Variants in ZAP70 observed in about 807,000 individuals in gnomAD.
The protein encoded by ZAP70 is zeta chain of T cell receptor associated protein kinase 70, also known as tyrosine-protein kinase ZAP-70.
ZAP70 carries 27 observed loss-of-function variants against 65.8 expected under a neutral mutation model. That is an observed-to-expected ratio of 0.41 (90% CI 0.30 to 0.57). ZAP70 has a LOEUF of 0.57. ZAP70 is among the 20% of genes least tolerant of loss of function. The pLI, the probability that ZAP70 is intolerant of heterozygous loss-of-function variation, is 0.28. For missense variants in ZAP70, 696 were observed against 870.5 expected, an observed-to-expected ratio of 0.80 and a Z score of 2.52; for synonymous variants, 363 against 360.8, an observed-to-expected ratio of 1.01 and a Z score of -0.07.
At position 97,739,528 on chromosome 2, in the gene ZAP70, C is replaced by A; in HGVS notation, c.*30C>A. ...CCGCTGCCCAGGGGAGCCCTCCACGCCGGCTCTTCCCCACCCTCAGCCCCA... is the reference window on the plus strand; with the variant it reads ...CCGCTGCCCAGGGGAGCCCTCCACGACGGCTCTTCCCCACCCTCAGCCCCA... On this transcript the variant is annotated 3_prime_UTR_variant, in exon 14 of 14. Transcript: ENST00000264972. 1 of 1,604,190 alleles carries A rather than the reference C, an allele frequency of 6.2e-7. No homozygotes were observed. The highest frequency in any genetic ancestry group is 8.5e-7 in the Non-Finnish European group (1 of 1,176,260).
chr2:97,739,434 G>C lies in ZAP70; in HGVS notation c.1796G>C (p.Ser599Thr). The change falls in exon 14 of 14, where the codon AGC becomes ACC. Residue 599 changes from serine to threonine, a missense_variant. Physicochemically the swap from Ser to Thr is moderately conservative, Grantham distance 58. Coordinates refer to ENST00000264972, the MANE Select transcript of ZAP70 (RefSeq NM_001079.4). ...CAGCGCATGCGAGCCTGTTACTACA[G>C]CCTGGCCAGCAAGGTGGAAGGGCCC... ...VEQRMRACYY[S>T]LASKVEGPPG... 1 of 1,613,848 alleles carries C rather than the reference G, an allele frequency of 6.2e-7. No individual in the cohort carries two copies. Among genetic ancestry groups the C allele is most frequent in the Non-Finnish European group, 8.5e-7 (1 of 1,179,950 alleles).
At chr2:97,752,569 T>C in the ZAP70 span, among the ~76,000 whole-genome samples, 1 of 152,248 alleles carries the variant, frequency 6.6e-6, no homozygotes, top group Non-Finnish European at 1.5e-5. Flanking sequence ...CTTGTTTCTT[T>C]AGCACAGTGG....
At chr2:97,735,200 G>A (rs1193410783) in intron 9 of ZAP70, 50 bp from the exon 10 acceptor site, 1 of 1,606,634 alleles carries the variant, frequency 6.2e-7, no homozygotes, top group Admixed American at 1.7e-5. Flanking sequence ...GTGGGGCCGA[G>A]CAGGGCCGGT....
At position 97,734,721 on chromosome 2, in the gene ZAP70, G is replaced by A. The variant is rs542219545; in HGVS notation, c.1082+9G>A. 5.0e-6 allele frequency: 8 copies of A among 1,613,048 alleles called. No individual in the cohort carries two copies. The highest frequency in any genetic ancestry group is 4.5e-5 in the East Asian group (2 of 44,880). ...GTGTACCGCATGCGCAAGTATGGCC[G>A]CCCCTGCCGTGGTGGGAGCACCGCC... is the stretch of plus-strand genomic sequence containing the variant. On this transcript the variant is annotated intron_variant, in intron 9 of 13. Coordinates refer to ENST00000264972, the MANE Select transcript of ZAP70 (RefSeq NM_001079.4).
At chr2:97,732,767 C>T (rs1677661870) in intron 4 of ZAP70, 116 bp from the exon 5 acceptor site, 1 of 1,461,768 alleles carries the variant, frequency 6.8e-7, no homozygotes, top group Non-Finnish European at 9.3e-7. Flanking sequence ...GTCCCTGCAG[C>T]TTCTCTGCAA....
At chr2:97,735,887 C>A (rs1282326870) in intron 10 of ZAP70, among the ~76,000 whole-genome samples, 1 of 152,146 alleles carries the variant, frequency 6.6e-6, no homozygotes, top group Non-Finnish European at 1.5e-5. Flanking sequence ...GTGGTGGGCG[C>A]CTCCCAGCTA....
At chr2:97,722,609 CA>C (rs146313926) in intron 2 of ZAP70, among the ~76,000 whole-genome samples, 36 of 152,016 alleles carry the variant, frequency 2.4e-4, no homozygotes, top group Non-Finnish European at 2.5e-4. Context: ...CAGAAACTCA[CA>C]AAAAAACAAG....
At chr2:97,747,772 T>C in the ZAP70 span, among the ~76,000 whole-genome samples, 1 of 150,036 alleles carries the variant, frequency 6.7e-6, no homozygotes, top group African/African-American at 2.5e-5. Context: ...AAAATCCTGC[T>C]GTCAGAAGAG....
At chr2:97,714,892 A>T (rs567912723) in intron 2 of ZAP70, among the ~76,000 whole-genome samples, 2 of 152,052 alleles carry the variant, frequency 1.3e-5, no homozygotes, top group Non-Finnish European at 2.9e-5. Flanking sequence ...GTTGATGTGC[A>T]CACTCTGGAG....
At chr2:97,740,031 G>C (rs574465608), downstream of ZAP70, among the ~76,000 whole-genome samples, 1 of 152,134 alleles carries the variant, frequency 6.6e-6, no homozygotes, top group Non-Finnish European at 1.5e-5. Context: ...GTGAGTGAGC[G>C]GCTGGGGTGG....
In ZAP70 at chr2:97,723,682, C is replaced by T. The variant is rs60173117; in HGVS notation, c.-21-334C>T. 3.9e-3 allele frequency among the ~76,000 whole-genome samples: 591 copies of T among 152,368 alleles called. 3 individuals carry two copies. Among genetic ancestry groups the T allele is most frequent in the African/African-American group, 0.013 (560 of 41,598 alleles). On this transcript the variant is annotated intron_variant, in intron 2 of 13. Transcript: ENST00000264972. ...CGCGCCTGCCTCAAGCGTGCATATC[C>T]CCAGCACCGGGCCTGAAACACAATA...
At chr2:97,720,818 A>C (rs1330967342) in intron 2 of ZAP70, among the ~76,000 whole-genome samples, 1 of 152,128 alleles carries the variant, frequency 6.6e-6, no homozygotes, top group African/African-American at 2.4e-5. Flanking sequence ...TGTCACAATC[A>C]ATCGGGTTAC....
At chr2:97,716,803 G>C (rs1316755121) in intron 2 of ZAP70, among the ~76,000 whole-genome samples, 1 of 152,114 alleles carries the variant, frequency 6.6e-6, no homozygotes, top group African/African-American at 2.4e-5. Flanking sequence ...GGAGCCTAGA[G>C]GGCTTCAAGC....
chr2:97,724,610 G>C (rs1432951002), intron 3 of ZAP70, 172 bp downstream of exon 3: 2 of 1,533,912 alleles, frequency 1.3e-6, no homozygotes, highest in Non-Finnish European at 1.7e-6. Context: ...GGCCTCAGAG[G>C]CAGGGGCTCC....
chr2:97,740,521 G>A (rs1678101815), downstream of ZAP70, among the ~76,000 whole-genome samples: 1 of 152,104 alleles, frequency 6.6e-6, no homozygotes. Flanking sequence ...TTGCCTTTTG[G>A]TCATCATTAT....
chr2:97,714,372 C>T (rs1676826672), intron 2 of ZAP70, among the ~76,000 whole-genome samples: 1 of 152,236 alleles, frequency 6.6e-6, no homozygotes, highest in Non-Finnish European at 1.5e-5. Context: ...CCGTGAGCTC[C>T]ATCAGCAGAA....
intron 13 of ZAP70, 128 bp from the exon 14 acceptor site, chr2:97,739,247 C>G: frequency 1.4e-6 from 2 of 1,447,542 alleles, no homozygotes; most frequent in South Asian, 2.7e-5. Context: ...TCCCGCCACC[C>G]CAACAGCCCT....
chr2:97,723,757 T>C (rs1311498450), intron 2 of ZAP70, among the ~76,000 whole-genome samples: 1 of 152,164 alleles, frequency 6.6e-6, no homozygotes, highest in African/African-American at 2.4e-5. Context: ...TGTGGGTGCT[T>C]GGGGACCAGT....
At chr2:97,745,187 C>T in the ZAP70 span, among the ~76,000 whole-genome samples, 1 of 152,128 alleles carries the variant, frequency 6.6e-6, no homozygotes, top group Non-Finnish European at 1.5e-5. Context: ...TGCAGGTGTC[C>T]ATCACCATGA....
Sources: allele counts gnomAD v4.1 joint callset (sites outside exome capture counted in the v4.1 genomes callset), GRCh38; gene constraint gnomAD v4.1.1; transcripts MANE v1.5; gene names NCBI Gene and HGNC (gene_info 2026-07-23, HGNC 2026-07-21).